The following EXOC6B variants were observed in gnomAD, a reference collection of about 807,000 sequenced individuals.
EXOC6B encodes exocyst complex component 6B, also known as SEC15 homolog B.
EXOC6B carries 54 observed loss-of-function variants against 113.5 expected under a neutral mutation model. That is an observed-to-expected ratio of 0.48 (90% CI 0.38 to 0.60). The LOEUF (loss-of-function observed/expected upper bound fraction) is 0.60, where lower values mean the gene tolerates loss of function less well. Ranked by LOEUF, EXOC6B falls within the 20% of genes least tolerant of loss-of-function variation. The pLI, the probability that EXOC6B is intolerant of heterozygous loss-of-function variation, is 0.00. For missense variants in EXOC6B, 797 were observed against 977.5 expected (o/e 0.82, Z 2.46); for synonymous variants, 357 against 339.0 (o/e 1.05, Z -0.58).
At chr2:72,326,909 GC>G (rs1477224131) in intron 20 of EXOC6B, among the ~76,000 whole-genome samples, 2 of 152,006 alleles carry the variant, frequency 1.3e-5, no homozygotes, top group Non-Finnish European at 2.9e-5. Context: ...TTAGACTGTG[GC>G]AATATGGGTT....
chr2:72,339,272 T>C (rs1688887604), intron 19 of EXOC6B, among the ~76,000 whole-genome samples: 1 of 151,992 alleles, frequency 6.6e-6, no homozygotes, highest in Non-Finnish European at 1.5e-5. Context: ...AAAGGGGAAA[T>C]ACATGCAATT....
intron 6 of EXOC6B, among the ~76,000 whole-genome samples, chr2:72,639,738 C>G (rs768911620): frequency 6.6e-6 from 1 of 152,152 alleles, no homozygotes. Flanking sequence ...AGTACATAGT[C>G]CAGGAGTTGG....
intron 1 of EXOC6B, among the ~76,000 whole-genome samples, chr2:72,793,809 GA>G (rs754421681): frequency 2.6e-5 from 4 of 152,228 alleles, no homozygotes; most frequent in Non-Finnish European, 4.4e-5. Flanking sequence ...ACTTGAAATA[GA>G]AGAGGGTATC....
chr2:72,230,465 A>G (rs187275775), intron 20 of EXOC6B, among the ~76,000 whole-genome samples: 21 of 152,306 alleles, frequency 1.4e-4, no homozygotes, highest in South Asian at 4.1e-4. Context: ...AAATGAGGAT[A>G]AGAATTTATT....
chr2:72,260,091 A>G (rs567851195), intron 20 of EXOC6B, among the ~76,000 whole-genome samples: 16 of 152,036 alleles, frequency 1.1e-4, no homozygotes, highest in Admixed American at 5.2e-4. Flanking sequence ...GAGAGAGAGA[A>G]AAAGGAAGAG....
At chr2:72,301,588 T>A (rs1009256091) in intron 20 of EXOC6B, among the ~76,000 whole-genome samples, 1 of 152,308 alleles carries the variant, frequency 6.6e-6, no homozygotes, top group South Asian at 2.1e-4. Context: ...GGTGTATGTG[T>A]CCAGGAATTT....
chr2:72,519,124 T>C (rs994530562), intron 8 of EXOC6B, among the ~76,000 whole-genome samples: 1 of 152,210 alleles, frequency 6.6e-6, no homozygotes, highest in Admixed American at 6.5e-5. Context: ...TCATAGTTCT[T>C]TCATAGTCAT....
chr2:72,270,939 T>C (rs1261517085), intron 20 of EXOC6B, among the ~76,000 whole-genome samples: 1 of 152,196 alleles, frequency 6.6e-6, no homozygotes, highest in African/African-American at 2.4e-5. Context: ...CTCTGCTCTT[T>C]GAATCTTCTT....
chr2:72,490,857 C>G (rs1386790634), intron 16 of EXOC6B, among the ~76,000 whole-genome samples: 1 of 152,048 alleles, frequency 6.6e-6, no homozygotes, highest in Admixed American at 6.6e-5. Flanking sequence ...AGAACTGAAC[C>G]CAAGATTCTT....
intron 20 of EXOC6B, among the ~76,000 whole-genome samples, chr2:72,239,397 G>A (rs1682165570): frequency 1.3e-5 from 2 of 152,088 alleles, no homozygotes; most frequent in South Asian, 2.1e-4. Flanking sequence ...TTTACCTGTG[G>A]ATATCCAGTT....
At chr2:72,757,026 C>A (rs929336537) in intron 1 of EXOC6B, among the ~76,000 whole-genome samples, 2 of 152,142 alleles carry the variant, frequency 1.3e-5, no homozygotes, top group African/African-American at 4.8e-5. Flanking sequence ...TGATGCAATT[C>A]TGAATTTTTT....
At chr2:72,726,727 G>T (rs1680319609) in intron 5 of EXOC6B, among the ~76,000 whole-genome samples, 1 of 152,026 alleles carries the variant, frequency 6.6e-6, no homozygotes, top group African/African-American at 2.4e-5. Flanking sequence ...TAAGAATCTT[G>T]CATTGTGTGT....
intron 16 of EXOC6B, among the ~76,000 whole-genome samples, chr2:72,484,846 A>T (rs1227503839): frequency 6.6e-6 from 1 of 152,146 alleles, no homozygotes; most frequent in Admixed American, 6.5e-5. Flanking sequence ...TATCTAGTCT[A>T]TCATTGATGG....
At chr2:72,643,415 A>G (rs1351631877) in intron 6 of EXOC6B, among the ~76,000 whole-genome samples, 4 of 148,830 alleles carry the variant, frequency 2.7e-5, no homozygotes, top group Non-Finnish European at 5.9e-5. Context: ...CATATACACC[A>G]TGGAATACTA....
rs918906091 is a variant in EXOC6B, at chr2:72,270,754, A to C, written c.2196+64193T>G. The stretch of plus-strand genomic sequence containing the variant: ...AATAATTTATTGAAATTAATAATGC[A>C]TTAAATTTAATAATTAAATAATAAT... On this transcript the variant is annotated intron_variant, in intron 20 of 21. Transcript: ENST00000272427. 2.4e-4 allele frequency among the ~76,000 whole-genome samples: 37 copies of C among 152,078 alleles called. No individual in the cohort carries two copies. The East Asian group carries it at 4.8e-3, about 20-fold the overall frequency.
At chr2:72,358,267 C>A (rs1161733015) in intron 19 of EXOC6B, among the ~76,000 whole-genome samples, 2 of 151,928 alleles carry the variant, frequency 1.3e-5, no homozygotes, top group African/African-American at 4.8e-5. Context: ...TCCACGTGCT[C>A]CCCCTTCTCA....
At chr2:72,344,506 G>T (rs560472193) in intron 19 of EXOC6B, among the ~76,000 whole-genome samples, 1 of 151,462 alleles carries the variant, frequency 6.6e-6, no homozygotes, top group African/African-American at 2.4e-5. Flanking sequence ...TATTCCTTGC[G>T]ATTTTTAATT....
chr2:72,306,833 C>T (rs1045236513), intron 20 of EXOC6B, among the ~76,000 whole-genome samples: 3 of 152,258 alleles, frequency 2.0e-5, no homozygotes, highest in South Asian at 2.1e-4. Flanking sequence ...TGGGAAAAAA[C>T]ATGATAATAG....
intron 1 of EXOC6B, among the ~76,000 whole-genome samples, chr2:72,783,794 G>T (rs1289523763): frequency 6.6e-6 from 1 of 152,038 alleles, no homozygotes; most frequent in Non-Finnish European, 1.5e-5. Context: ...CACTCAACAG[G>T]CTGTCTCTTC....
Sources: gnomAD v4.1 joint callset for allele counts (sites outside exome capture counted in the v4.1 genomes callset) on GRCh38, gnomAD v4.1.1 for gene constraint, MANE v1.5 for transcripts, NCBI Gene and HGNC (gene_info 2026-07-23, HGNC 2026-07-21) for gene names.